The following RBM47 variants were observed in gnomAD, a reference collection of about 807,000 sequenced individuals.
RBM47 encodes RNA-binding protein 47.
RBM47 carries 21 observed loss-of-function variants against 47.1 expected under a neutral mutation model. The ratio of observed to expected loss-of-function variants is 0.45; its 90% CI spans 0.32 to 0.64. The LOEUF (loss-of-function observed/expected upper bound fraction) is 0.64. Among genes scored for constraint, RBM47 ranks in the 30% least tolerant of loss-of-function variants. RBM47 has a pLI of 0.05. For synonymous variants in RBM47, 375 were observed against 361.7 expected (o/e 1.04, Z -0.42); for missense variants, 708 against 870.9 (o/e 0.81, Z 2.35).
At chr4:40,468,177 C>T (rs972292469) in intron 2 of RBM47, among the ~76,000 whole-genome samples, 3 of 152,142 alleles carry the variant, frequency 2.0e-5, no homozygotes, top group Non-Finnish European at 2.9e-5. Flanking sequence ...ATCCCAGCTA[C>T]TCAGGAGGCT....
chr4:40,437,611 G>A (rs1011060053), intron 4 of RBM47, among the ~76,000 whole-genome samples, 160 bp downstream of exon 4: 1 of 152,176 alleles, frequency 6.6e-6, no homozygotes, highest in African/African-American at 2.4e-5. Flanking sequence ...GGCCTTCGGT[G>A]CCAGGAAAGA....
chr4:40,430,992 G>C (rs1715901319), intron 6 of RBM47, among the ~76,000 whole-genome samples: 1 of 152,242 alleles, frequency 6.6e-6, no homozygotes. Context: ...GCTGAGGTGG[G>C]AGGATTGCTT....
At chr4:40,617,916 G>A (rs965033801) in intron 1 of RBM47, among the ~76,000 whole-genome samples, 1 of 151,932 alleles carries the variant, frequency 6.6e-6, no homozygotes, top group Non-Finnish European at 1.5e-5. Context: ...TGGACATAAA[G>A]AGAAACACTG....
intron 1 of RBM47, among the ~76,000 whole-genome samples, chr4:40,614,443 T>A (rs1226154266): frequency 1.3e-5 from 2 of 152,082 alleles, no homozygotes; most frequent in African/African-American, 4.8e-5. Context: ...CAGGGTCAAT[T>A]GTCTGAGGTG....
At chr4:40,436,681 C>G in intron 4 of RBM47, 34 bp from the exon 5 acceptor site, 1 of 1,601,166 alleles carries the variant, frequency 6.2e-7, no homozygotes, top group Non-Finnish European at 8.5e-7. Context: ...GATCAGCAAC[C>G]AACAGTGACG....
intron 2 of RBM47, among the ~76,000 whole-genome samples, chr4:40,492,867 A>G (rs1425871541): frequency 1.3e-5 from 2 of 152,088 alleles, no homozygotes; most frequent in African/African-American, 2.4e-5. Context: ...TAACTGAGCA[A>G]TGCATAATTA....
At chr4:40,568,929 C>T (rs540726749) in intron 1 of RBM47, among the ~76,000 whole-genome samples, 6 of 151,442 alleles carry the variant, frequency 4.0e-5, no homozygotes, top group East Asian at 3.9e-4. Flanking sequence ...TACAGTGAGC[C>T]GAGATTGCGC....
chr4:40,452,187 G>C (rs1374743935), intron 3 of RBM47, among the ~76,000 whole-genome samples: 1 of 151,740 alleles, frequency 6.6e-6, no homozygotes, highest in African/African-American at 2.4e-5. Context: ...AAAAAAAGAA[G>C]GAAAGGGAGG....
At chr4:40,581,374 C>A (rs1578006095) in intron 1 of RBM47, among the ~76,000 whole-genome samples, 1 of 151,454 alleles carries the variant, frequency 6.6e-6, no homozygotes, top group East Asian at 1.9e-4. Context: ...GTGAGCCGAG[C>A]TCACACCACT....
intron 3 of RBM47, among the ~76,000 whole-genome samples, chr4:40,456,486 T>C (rs1258104536): frequency 6.6e-6 from 1 of 151,886 alleles, no homozygotes; most frequent in Non-Finnish European, 1.5e-5. Context: ...TTCCTGTACA[T>C]ACTATTCCTA....
intron 2 of RBM47, among the ~76,000 whole-genome samples, chr4:40,512,487 G>A (rs1209075182): frequency 2.1e-5 from 3 of 146,136 alleles, no homozygotes; most frequent in Non-Finnish European, 3.0e-5. Flanking sequence ...AGGCCGAGGC[G>A]AGTGGATCAC....
chr4:40,463,296 G>A (rs1230747293), intron 3 of RBM47, among the ~76,000 whole-genome samples: 1 of 152,112 alleles, frequency 6.6e-6, no homozygotes. Flanking sequence ...TCATCATTAG[G>A]GAAATGCAAA....
At chr4:40,564,704 T>C (rs1730937399) in intron 1 of RBM47, among the ~76,000 whole-genome samples, 1 of 152,248 alleles carries the variant, frequency 6.6e-6, no homozygotes. Flanking sequence ...AATCACTGTC[T>C]AGCTTTAAGA....
At chr4:40,621,125 T>C (rs917210467) in intron 1 of RBM47, among the ~76,000 whole-genome samples, 1 of 152,198 alleles carries the variant, frequency 6.6e-6, no homozygotes, top group Non-Finnish European at 1.5e-5. Flanking sequence ...TTATGTACTA[T>C]TGCCTTTTTT....
chr4:40,616,874 CTTTTTTTTT>C (rs1300005872), intron 1 of RBM47, among the ~76,000 whole-genome samples: 1 of 111,668 alleles, frequency 9.0e-6, no homozygotes, highest in Non-Finnish European at 1.7e-5. Context: ...ATTTTCTTTT[CTTTTTTTTT>C]TTTTTTTTTT....
intron 2 of RBM47, among the ~76,000 whole-genome samples, chr4:40,478,176 C>T (rs536348296): frequency 4.0e-4 from 61 of 152,074 alleles, no homozygotes; most frequent in Non-Finnish European, 6.9e-4. Context: ...CCACCACGCC[C>T]GGATAATTTT....
intron 2 of RBM47, among the ~76,000 whole-genome samples, chr4:40,532,122 T>C (rs1349655844): frequency 9.3e-5 from 14 of 151,280 alleles, no homozygotes; most frequent in Non-Finnish European, 1.8e-4. Flanking sequence ...GAGATTCTCC[T>C]GCCTCAGCCT....
chr4:40,460,165 G>A (rs894783910), intron 3 of RBM47, among the ~76,000 whole-genome samples: 14 of 151,414 alleles, frequency 9.2e-5, no homozygotes, highest in Admixed American at 7.2e-4. Context: ...CCCTTGAGCC[G>A]TCTTGGTAAA....
At chr4:40,471,588 T>C (rs990200260) in intron 2 of RBM47, among the ~76,000 whole-genome samples, 3 of 150,814 alleles carry the variant, frequency 2.0e-5, no homozygotes, top group Non-Finnish European at 4.4e-5. Context: ...TCCTAGCTAC[T>C]CAGGAAGCTG....
Sources: allele counts gnomAD v4.1 joint callset (sites outside exome capture counted in the v4.1 genomes callset), GRCh38; gene constraint gnomAD v4.1.1; transcripts MANE v1.5; gene names NCBI Gene and HGNC (gene_info 2026-07-23, HGNC 2026-07-21).